The following FNDC3A variants were observed in gnomAD, a reference collection of about 807,000 sequenced individuals.
The protein encoded by FNDC3A is fibronectin type-III domain-containing protein 3A.
A neutral mutation model predicts 148.9 loss-of-function variants in FNDC3A; 32 were observed. The observed-to-expected ratio is 0.21, with a 90% CI of 0.16 to 0.29. The LOEUF (loss-of-function observed/expected upper bound fraction) is 0.29. FNDC3A is among the 10% of genes least tolerant of loss of function. The pLI, the probability that FNDC3A is intolerant of heterozygous loss-of-function variation, is 1.00. For synonymous variants in FNDC3A, 472 were observed against 473.6 expected (o/e 1.00, Z 0.04); for missense variants, 1,191 against 1,452.8 (o/e 0.82, Z 2.93).
intron 4 of FNDC3A, among the ~76,000 whole-genome samples, chr13:49,130,337 C>T (rs999398432): frequency 6.6e-6 from 1 of 151,882 alleles, no homozygotes; most frequent in Non-Finnish European, 1.5e-5. Context: ...AAATGATCAG[C>T]TGTTAAAATT....
chr13:49,009,643 C>G (rs1952296222), intron 2 of FNDC3A, among the ~76,000 whole-genome samples: 2 of 152,104 alleles, frequency 1.3e-5, no homozygotes, highest in African/African-American at 4.8e-5. Flanking sequence ...ATGTGTGTGC[C>G]CTGTTAGAAC....
chr13:49,188,974 T>G (rs560920374), intron 17 of FNDC3A, among the ~76,000 whole-genome samples: 1 of 152,342 alleles, frequency 6.6e-6, no homozygotes, highest in South Asian at 2.1e-4. Context: ...GATTTACTGC[T>G]CCATAAATTA....
chr13:49,187,780 C>T lies in FNDC3A; in HGVS notation c.1825+590C>T, dbSNP rs186715958. ...GGATTTTTTTTTTCTTTGTTTGTAG[C>T]AGTTAGGATTTTGCCTGTTATGATC... On this transcript the variant is annotated intron_variant, in intron 16 of 25. Coordinates refer to ENST00000492622, the MANE Select transcript of FNDC3A (RefSeq NM_001079673.2). 3.1e-4 allele frequency: 224 copies of T among 725,566 alleles called. 2 individuals are homozygous for T. The African/African-American group carries it at 3.6e-3, about 12-fold the overall frequency. The allele number at this position is 725,566 out of a possible 1,614,324, so 44.9% of individuals were successfully genotyped here. A position where few individuals can be genotyped will look rare whatever the true frequency, so the allele number is the denominator to read the frequency against.
chr13:49,025,498 G>T (rs1284256193), intron 2 of FNDC3A, among the ~76,000 whole-genome samples: 1 of 151,990 alleles, frequency 6.6e-6, no homozygotes, highest in Non-Finnish European at 1.5e-5. Context: ...CCTCAAACAT[G>T]TTATTGACCA....
At chr13:49,183,190 T>C (rs1885392584) in intron 14 of FNDC3A, among the ~76,000 whole-genome samples, 1 of 152,214 alleles carries the variant, frequency 6.6e-6, no homozygotes, top group Admixed American at 6.5e-5. Context: ...CTTGTGCTCT[T>C]ATGTACAGGG....
chr13:49,073,472 C>A (rs1006143076), intron 2 of FNDC3A, among the ~76,000 whole-genome samples: 4 of 151,764 alleles, frequency 2.6e-5, no homozygotes, highest in African/African-American at 4.8e-5. Context: ...TGAGCACCAA[C>A]ATGATGCCAC....
intron 2 of FNDC3A, among the ~76,000 whole-genome samples, chr13:49,012,138 C>T (rs748785142): frequency 5.3e-5 from 8 of 151,374 alleles, no homozygotes; most frequent in African/African-American, 1.2e-4. Context: ...TTTTTTGAGA[C>T]GGAGTCTTGC....
intron 2 of FNDC3A, among the ~76,000 whole-genome samples, chr13:49,055,927 C>T (rs866301972): frequency 6.6e-6 from 1 of 152,088 alleles, no homozygotes; most frequent in Admixed American, 6.6e-5. Context: ...TGGCTCACAC[C>T]TGTAATCCCA....
intron 2 of FNDC3A, among the ~76,000 whole-genome samples, chr13:49,022,299 C>T (rs774068580): frequency 2.0e-5 from 3 of 152,080 alleles, no homozygotes; most frequent in East Asian, 1.9e-4. Flanking sequence ...TTTTACATTA[C>T]CTAAAACAAA....
In FNDC3A at chr13:49,147,878, C is replaced by T. The variant is rs1361441566; in HGVS notation, c.977+1943C>T. The stretch of plus-strand genomic sequence containing the variant: ...GTATAAGGGCTTTTTTTCTCTGCAT[C>T]CTCACCAGCATCTGTTATTTTTTTG... On this transcript the variant is annotated intron_variant, in intron 8 of 25. Transcript: ENST00000492622. Among the ~76,000 whole-genome samples, 5 of 152,128 alleles carry T rather than the reference C, an allele frequency of 3.3e-5. No individual in the cohort carries two copies. In the East Asian group the frequency reaches 7.7e-4, roughly 23 times the overall value.
At chr13:49,141,489 C>A (rs185598205) in intron 7 of FNDC3A, among the ~76,000 whole-genome samples, 4 of 152,188 alleles carry the variant, frequency 2.6e-5, no homozygotes, top group African/African-American at 9.6e-5. Flanking sequence ...TTTGAGTTAT[C>A]TTCAGAATTA....
At chr13:49,018,931 G>C (rs867388493) in intron 2 of FNDC3A, among the ~76,000 whole-genome samples, 70 of 152,332 alleles carry the variant, frequency 4.6e-4, no homozygotes, top group African/African-American at 1.6e-3. Context: ...AGGGGTCAGG[G>C]ACCCACTTGA....
At chr13:49,185,863 A>G in intron 14 of FNDC3A, 101 bp from the exon 15 acceptor site, 1 of 869,536 alleles carries the variant, frequency 1.2e-6, no homozygotes, top group South Asian at 1.7e-5. Flanking sequence ...AATGTATTTT[A>G]TCATTTGGTT....
intron 8 of FNDC3A, among the ~76,000 whole-genome samples, chr13:49,153,483 A>G (rs949353823): frequency 4.6e-5 from 7 of 152,182 alleles, no homozygotes; most frequent in African/African-American, 1.4e-4. Context: ...GTTCACTCTG[A>G]TGGTAGTTTC....
chr13:49,185,970 G>A lies in FNDC3A; in HGVS notation c.1624G>A (p.Ala542Thr), dbSNP rs892767173. The change falls in exon 15 of 26, where the codon GCT (alanine) becomes ACT (threonine). Residue 542 changes from alanine (A) to threonine (T), a missense_variant. Physicochemically the swap from Ala to Thr is moderately conservative, Grantham distance 58. Transcript: ENST00000492622. ...RSTKYKFKVI[A>T]YNSEGKSNPS... ...CTTTCTGTTCTCATCACAGGTTATT[G>A]CTTACAACTCAGAAGGTAAAAGTAA... is the stretch of plus-strand genomic sequence containing the variant. 1.2e-6 allele frequency: 2 copies of A among 1,610,150 alleles called. No individual in the cohort carries two copies. The highest frequency in any genetic ancestry group is 3.3e-5 in the Admixed American group (2 of 59,952).
At chr13:49,092,266 G>T (rs1053671341) in intron 3 of FNDC3A, among the ~76,000 whole-genome samples, 5 of 152,182 alleles carry the variant, frequency 3.3e-5, no homozygotes, top group Non-Finnish European at 7.4e-5. Flanking sequence ...CGATAAATGG[G>T]CTGAAGTAAC....
Position 49,201,901 on chromosome 13 carries a change from G to T in FNDC3A, c.3089G>T (p.Gly1030Val). Reference sequence around the variant, plus strand: ...TGTATTCAAGCTTGTAATGAAGCTGGGGAAGGTCCCCTCTCCCAAGAATAT... The same window carrying T: ...TGTATTCAAGCTTGTAATGAAGCTGTGGAAGGTCCCCTCTCCCAAGAATAT... Reference protein sequence around the residue: ...KFCIQACNEAGEGPLSQEYIF... With the variant: ...KFCIQACNEAVEGPLSQEYIF... Residue 1030 changes from glycine to valine, a missense_variant, in exon 24 of 26, where the codon GGG (glycine) becomes GTG (valine). Gly to Val is a moderately radical substitution (Grantham distance 109). This residue lies in a region of FNDC3A where 751 missense variants were observed against 944.0 expected (regional missense o/e 0.80). Transcript: ENST00000492622. 6.3e-7 allele frequency: 1 copy of T among 1,595,574 alleles called. No individual in the cohort carries two copies. Among genetic ancestry groups the T allele is most frequent in the South Asian group, 1.1e-5 (1 of 88,398 alleles).
intron 8 of FNDC3A, among the ~76,000 whole-genome samples, chr13:49,162,515 T>A (rs1192526724): frequency 6.6e-6 from 1 of 152,190 alleles, no homozygotes; most frequent in Non-Finnish European, 1.5e-5. Flanking sequence ...CGTCTAATCT[T>A]TTTTCAAGGT....
rs77263673 is a variant in FNDC3A, at chr13:49,191,953, C to T, written c.2226+569C>T. On this transcript the variant is annotated intron_variant, in intron 19 of 25. Coordinates refer to ENST00000492622, the MANE Select transcript of FNDC3A (RefSeq NM_001079673.2). ...TATCTCCATTTCACAACTAAGGAAA[C>T]GGGTTCAGGAAAGCTAAATATTTTG... 3.9e-4 allele frequency among the ~76,000 whole-genome samples: 60 copies of T among 152,124 alleles called. No homozygotes were observed. The East Asian group carries it at 0.011, about 27-fold the overall frequency.
Sources: gnomAD v4.1 joint callset for allele counts (sites outside exome capture counted in the v4.1 genomes callset) on GRCh38, gnomAD v4.1.1 for gene constraint, gnomAD v4.1.1 regional missense constraint, MANE v1.5 for transcripts, NCBI Gene and HGNC (gene_info 2026-07-23, HGNC 2026-07-21) for gene names.